The following CREBRF variants were observed in gnomAD, a reference collection of about 807,000 sequenced individuals.
CREBRF encodes CREB3 regulatory factor.
CREBRF carries 5 observed loss-of-function variants against 66.1 expected under a neutral mutation model. The observed-to-expected ratio is 0.08, with a 90% CI of 0.04 to 0.16. The LOEUF (loss-of-function observed/expected upper bound fraction) is 0.16. Ranked by LOEUF, CREBRF falls within the 10% of genes least tolerant of loss-of-function variation. CREBRF has a pLI of 1.00. For missense variants in CREBRF, 531 were observed against 744.9 expected (o/e 0.71, Z 3.34); for synonymous variants, 229 against 264.4 (o/e 0.87, Z 1.30).
chr5:173,088,680 C>G (rs755107151), intron 3 of CREBRF, among the ~76,000 whole-genome samples: 1 of 151,742 alleles, frequency 6.6e-6, no homozygotes, highest in Non-Finnish European at 1.5e-5. Flanking sequence ...ATCATTTATT[C>G]TTGAGGTAAA....
chr5:173,056,390 A>T lies in CREBRF; in HGVS notation c.-281A>T. 1 of 398,140 alleles carries T rather than the reference A, an allele frequency of 2.5e-6. No homozygotes were observed. The allele number at this position is 398,140 out of a possible 1,614,324, so 24.7% of individuals were successfully genotyped here. On this transcript the variant is annotated 5_prime_UTR_variant, in exon 1 of 9. Coordinates refer to ENST00000296953, the MANE Select transcript of CREBRF (RefSeq NM_153607.3). ...TCCGGGAACCCGTCAGGAAGGACAT[A>T]AACAAAACAAACCCGAGGCAGCATG... is the stretch of plus-strand genomic sequence containing the variant.
chr5:173,079,424 C>A (rs188129903), intron 1 of CREBRF, among the ~76,000 whole-genome samples: 1 of 148,602 alleles, frequency 6.7e-6, no homozygotes, highest in Admixed American at 6.8e-5. Flanking sequence ...GATTGGGCCA[C>A]TGCATTCCAG....
At chr5:173,108,323 CTT>C (rs1758795234) in intron 4 of CREBRF, among the ~76,000 whole-genome samples, 1 of 152,024 alleles carries the variant, frequency 6.6e-6, no homozygotes, top group Admixed American at 6.6e-5. Flanking sequence ...TAATTGTTCT[CTT>C]AATCCTGTTT....
At chr5:173,122,599 A>ATTATTG (rs1487312412) in intron 7 of CREBRF, among the ~76,000 whole-genome samples, 59 of 141,276 alleles carry the variant, frequency 4.2e-4, no homozygotes, top group African/African-American at 5.0e-4. Flanking sequence ...TATTATTATT[A>ATTATTG]TTATTATTAT....
intron 8 of CREBRF, among the ~76,000 whole-genome samples, chr5:173,125,265 A>G (rs1418429247): frequency 6.6e-6 from 1 of 151,960 alleles, no homozygotes; most frequent in African/African-American, 2.4e-5. Context: ...ATTTGCTGTC[A>G]TTACTTGCTG....
chr5:173,066,386 T>C (rs1390191390), intron 1 of CREBRF, among the ~76,000 whole-genome samples: 4 of 152,230 alleles, frequency 2.6e-5, no homozygotes, highest in African/African-American at 9.6e-5. Flanking sequence ...ACAAATTGTT[T>C]GATAACAAAG....
rs910976960 is a variant in CREBRF, at chr5:173,135,706, A to C, written c.*1961A>C. 3 of 152,254 alleles carry C rather than the reference A, an allele frequency of 2.0e-5. No individual in the cohort carries two copies. The highest frequency in any genetic ancestry group is 7.2e-5 in the African/African-American group (3 of 41,426). 9.4% of individuals were successfully genotyped at this position (152,254 alleles called of 1,614,324 possible). A position where few individuals can be genotyped will look rare whatever the true frequency, so the allele number is the denominator to read the frequency against. The stretch of plus-strand genomic sequence containing the variant: ...TGTTACCCCATTTGTAAGCTATAGC[A>C]TATGAAGCTATATATATAGCTTGTG... On this transcript the variant is annotated 3_prime_UTR_variant, in exon 9 of 9. Transcript: ENST00000296953.
intron 4 of CREBRF, among the ~76,000 whole-genome samples, chr5:173,107,649 G>A (rs1758778503): frequency 6.6e-6 from 1 of 152,020 alleles, no homozygotes; most frequent in Non-Finnish European, 1.5e-5. Context: ...CTGCCACATA[G>A]AATTCTGCCT....
intron 1 of CREBRF, among the ~76,000 whole-genome samples, chr5:173,061,640 C>A (rs1305678907): frequency 6.6e-6 from 1 of 152,156 alleles, no homozygotes; most frequent in East Asian, 1.9e-4. Context: ...ATAGTCAACA[C>A]ATGTAGTTCT....
intron 7 of CREBRF, among the ~76,000 whole-genome samples, chr5:173,112,972 T>A (rs1417316544): frequency 6.6e-6 from 1 of 152,214 alleles, no homozygotes; most frequent in African/African-American, 2.4e-5. Context: ...AGAATCCATA[T>A]TTTTAACACT....
intron 1 of CREBRF, among the ~76,000 whole-genome samples, chr5:173,065,710 T>C (rs1757416738): frequency 6.7e-6 from 1 of 149,334 alleles, no homozygotes. Context: ...AGTGGCACAG[T>C]CATGGTTCAC....
chr5:173,085,986 C>A, intron 2 of CREBRF: 5 of 1,509,504 alleles, frequency 3.3e-6, no homozygotes, highest in East Asian at 2.3e-5. Context: ...ACTAGAAATA[C>A]ATCTGTTTGT....
chr5:173,072,908 A>G (rs1296657424), intron 1 of CREBRF, among the ~76,000 whole-genome samples: 1 of 152,200 alleles, frequency 6.6e-6, no homozygotes, highest in Non-Finnish European at 1.5e-5. Flanking sequence ...TCTTTGTTAA[A>G]AAGAATTGGT....
intron 2 of CREBRF, among the ~76,000 whole-genome samples, chr5:173,083,326 G>A (rs1428736332): frequency 1.3e-5 from 2 of 152,120 alleles, no homozygotes; most frequent in African/African-American, 2.4e-5. Context: ...AGGAGGGTGA[G>A]CCCAGACTTG....
intron 1 of CREBRF, 150 bp from the exon 2 acceptor site, chr5:173,080,435 G>C (rs909432032): frequency 7.8e-6 from 2 of 256,432 alleles, no homozygotes; most frequent in Non-Finnish European, 1.5e-5. Context: ...ATTAAGATAT[G>C]ACCAAATCCT....
intron 1 of CREBRF, among the ~76,000 whole-genome samples, chr5:173,066,551 C>T (rs1288319422): frequency 6.6e-6 from 1 of 152,142 alleles, no homozygotes; most frequent in Non-Finnish European, 1.5e-5. Flanking sequence ...TGAGTTTTGA[C>T]AAACACATGC....
intron 5 of CREBRF, chr5:173,110,164 T>G (rs1273439062): frequency 2.8e-6 from 1 of 355,480 alleles, no homozygotes; most frequent in Non-Finnish European, 5.5e-6. Context: ...TATTATACCC[T>G]AGTCCTGATT....
At position 173,104,124 on chromosome 5, in the gene CREBRF, T is replaced by C. The variant is rs777436900; in HGVS notation, c.1223-4500T>C. On this transcript the variant is annotated intron_variant, in intron 4 of 8. Coordinates refer to ENST00000296953, the MANE Select transcript of CREBRF (RefSeq NM_153607.3). The stretch of plus-strand genomic sequence containing the variant: ...ACATCTTTATCTTCATGGAATTTAG[T>C]GTTAAGTGGGTTTATTTACTGTTAT... Among the ~76,000 whole-genome samples the C allele has an allele frequency of 3.3e-5, 5 of 152,174 alleles. 1 individual carries two copies. Among genetic ancestry groups the C allele is most frequent in the Admixed American group, 2.0e-4 (3 of 15,272 alleles).
intron 1 of CREBRF, among the ~76,000 whole-genome samples, chr5:173,070,529 A>G (rs920782318): frequency 6.6e-6 from 1 of 152,124 alleles, no homozygotes; most frequent in Admixed American, 6.6e-5. Context: ...GAGGGAGAGA[A>G]CAATATAACA....
Sources: allele counts gnomAD v4.1 joint callset (sites outside exome capture counted in the v4.1 genomes callset), GRCh38; gene constraint gnomAD v4.1.1; transcripts MANE v1.5; gene names NCBI Gene and HGNC (gene_info 2026-07-23, HGNC 2026-07-21).